SLC26A4: variants seen among roughly 807,000 people sequenced by gnomAD.
SLC26A4 encodes the protein solute carrier family 26 member 4, also known as pendrin.
In SLC26A4, 93 loss-of-function variants were observed where a neutral mutation model predicts 90.4. That is an observed-to-expected ratio of 1.03 (90% CI 0.87 to 1.22). The LOEUF (loss-of-function observed/expected upper bound fraction) is 1.22. Among genes scored for constraint, SLC26A4 ranks in the 50% most tolerant of loss-of-function variants. The pLI, the probability that SLC26A4 is intolerant of heterozygous loss-of-function variation, is 0.00. For missense variants in SLC26A4, 1,127 were observed against 946.2 expected (o/e 1.19, Z -2.51); for synonymous variants, 393 against 354.6 (o/e 1.11, Z -1.22).
chr7:107,661,702 A>T lies in SLC26A4; in HGVS notation c.61A>T (p.Met21Leu). 1 of 1,571,138 alleles carries T rather than the reference A, an allele frequency of 6.4e-7. No individual in the cohort carries two copies. Among genetic ancestry groups the T allele is most frequent in the Non-Finnish European group, 8.6e-7 (1 of 1,162,268 alleles). ...GCTCCCCGAGTACAGCTGCAGCTAC[A>T]TGGTGTCGCGGCCGGTCTACAGCGA... is the stretch of plus-strand genomic sequence containing the variant. The part of the protein sequence containing the change: ...PQLPEYSCSY[M>L]VSRPVYSELA... Residue 21 changes from methionine to leucine, a missense_variant, in exon 2 of 21, where the codon ATG (methionine) becomes TTG (leucine). Coordinates refer to ENST00000644269, the MANE Select transcript of SLC26A4 (RefSeq NM_000441.2). The surrounding 1 kb of genome is among the most constrained non-coding windows in gnomAD (Gnocchi z 5.1).
chr7:107,679,548 C>T (rs1791120500), intron 6 of SLC26A4, among the ~76,000 whole-genome samples: 1 of 151,686 alleles, frequency 6.6e-6, no homozygotes, highest in Admixed American at 6.6e-5. Context: ...ACAGGTAATC[C>T]TGGGCAAGAA....
chr7:107,711,896 T>C (rs1792201084), intron 19 of SLC26A4, among the ~76,000 whole-genome samples: 1 of 152,230 alleles, frequency 6.6e-6, no homozygotes, highest in Non-Finnish European at 1.5e-5. Context: ...ATTTGTGAGT[T>C]GAAAAGTAGC....
rs576526157 is a variant in SLC26A4, at chr7:107,716,460, G to T, written c.*1014G>T. ...AAATCTAAAAATTGAACTACCTATA[G>T]TAGTCTGTGTTTAAAGTGAATTTTT... is the stretch of plus-strand genomic sequence containing the variant. On this transcript the variant is annotated 3_prime_UTR_variant, in exon 21 of 21. Coordinates refer to ENST00000644269, the MANE Select transcript of SLC26A4 (RefSeq NM_000441.2). 4 of 152,146 alleles carry T rather than the reference G, an allele frequency of 2.6e-5. No individual in the cohort carries two copies. The highest frequency in any genetic ancestry group is 9.6e-5 in the African/African-American group (4 of 41,508). 9.4% of individuals were successfully genotyped at this position (152,146 alleles called of 1,614,324 possible). A position where few individuals can be genotyped will look rare whatever the true frequency, so the allele number is the denominator to read the frequency against.
intron 18 of SLC26A4, among the ~76,000 whole-genome samples, chr7:107,709,769 G>T (rs1312965112): frequency 6.6e-6 from 1 of 152,100 alleles, no homozygotes; most frequent in African/African-American, 2.4e-5. Flanking sequence ...GTCACATTTT[G>T]GATAAGAGAA....
rs573919493 is a variant in SLC26A4, at chr7:107,717,487, C to T, written c.*2041C>T. On this transcript the variant is annotated 3_prime_UTR_variant, in exon 21 of 21. Transcript: ENST00000644269. Reference sequence around the variant, plus strand: ...TTTTTTGAAGGAAATGCCAAAGTTACGTTTTACAACAAGGCTAGAGTTTGT... The same window carrying T: ...TTTTTTGAAGGAAATGCCAAAGTTATGTTTTACAACAAGGCTAGAGTTTGT... The T allele has an allele frequency of 4.6e-5, 7 of 151,830 alleles. No homozygotes were observed. Among genetic ancestry groups the T allele is most frequent in the East Asian group, 1.9e-4 (1 of 5,164 alleles). 9.4% of individuals were successfully genotyped at this position (151,830 alleles called of 1,614,324 possible). A position where few individuals can be genotyped will look rare whatever the true frequency, so the allele number is the denominator to read the frequency against.
chr7:107,716,643 C>T lies in SLC26A4; in HGVS notation c.*1197C>T, dbSNP rs1562846625. 1 of 152,094 alleles carries T rather than the reference C, an allele frequency of 6.6e-6. No homozygotes were observed. Among genetic ancestry groups the T allele is most frequent in the South Asian group, 2.1e-4 (1 of 4,830 alleles). 9.4% of individuals were successfully genotyped at this position (152,094 alleles called of 1,614,324 possible). On this transcript the variant is annotated 3_prime_UTR_variant, in exon 21 of 21. Coordinates refer to ENST00000644269, the MANE Select transcript of SLC26A4 (RefSeq NM_000441.2). ...AATTTTCTAGATATTATATACAACA[C>T]AGGCTTTGATCTTGGGGACTTTTCC...
intron 8 of SLC26A4, among the ~76,000 whole-genome samples, chr7:107,683,744 G>A (rs1000603421): frequency 9.2e-5 from 14 of 152,158 alleles, no homozygotes; most frequent in African/African-American, 3.4e-4. Context: ...GCCCGTATAT[G>A]CTCTTTTTTC....
At chr7:107,690,311 G>T in intron 10 of SLC26A4, 74 bp downstream of exon 10, 2 of 904,146 alleles carry the variant, frequency 2.2e-6, no homozygotes, top group Non-Finnish European at 3.7e-6. Flanking sequence ...GGCTCGCACC[G>T]AGCTTAGCAG....
chr7:107,662,094 T>C lies in SLC26A4; in HGVS notation c.164+289T>C. 4 of 507,856 alleles carry C rather than the reference T, an allele frequency of 7.9e-6. No homozygotes were observed. In the East Asian group the frequency reaches 1.4e-4, roughly 18 times the overall value. 31.5% of individuals were successfully genotyped at this position (507,856 alleles called of 1,614,324 possible). On this transcript the variant is annotated intron_variant, in intron 2 of 20. Coordinates refer to ENST00000644269, the MANE Select transcript of SLC26A4 (RefSeq NM_000441.2). Reference sequence around the variant, plus strand: ...TCTCTTTTTCCTCTCTGAAGGAAACTTGGAGTGCCTCTTGGGGTACAGTGG... The same window carrying C: ...TCTCTTTTTCCTCTCTGAAGGAAACCTGGAGTGCCTCTTGGGGTACAGTGG...
chr7:107,682,758 C>T (rs1047061876), intron 6 of SLC26A4, among the ~76,000 whole-genome samples: 1 of 152,012 alleles, frequency 6.6e-6, no homozygotes, highest in African/African-American at 2.4e-5. Flanking sequence ...AGTCTCAATG[C>T]TGTATCACTG....
At chr7:107,676,175 T>G (rs1032426433) in intron 6 of SLC26A4, among the ~76,000 whole-genome samples, 1 of 152,212 alleles carries the variant, frequency 6.6e-6, no homozygotes, top group African/African-American at 2.4e-5. Context: ...ATGCCTCAGT[T>G]TCCTTCTCTG....
chr7:107,705,855 G>T (rs1414432629), intron 18 of SLC26A4, among the ~76,000 whole-genome samples: 1 of 152,184 alleles, frequency 6.6e-6, no homozygotes, highest in East Asian at 1.9e-4. Context: ...TAGTTTTATT[G>T]TCTCTAGTTG....
chr7:107,685,784 G>A (rs1036868878), intron 8 of SLC26A4, among the ~76,000 whole-genome samples: 6 of 152,204 alleles, frequency 3.9e-5, no homozygotes, highest in Non-Finnish European at 7.3e-5. Flanking sequence ...GTCCTTATCT[G>A]CAACTCGTAA....
chr7:107,696,241 T>C (rs1791740064), intron 13 of SLC26A4, among the ~76,000 whole-genome samples: 1 of 152,242 alleles, frequency 6.6e-6, no homozygotes, highest in African/African-American at 2.4e-5. Flanking sequence ...ATTAGTCTCA[T>C]TCTACAGGTG....
chr7:107,669,353 A>G (rs75602554), intron 3 of SLC26A4, among the ~76,000 whole-genome samples: 2,871 of 152,318 alleles, frequency 0.019, 92 homozygotes, highest in African/African-American at 0.066. Flanking sequence ...AGTGGTCCCT[A>G]AATGGGACAC....
intron 10 of SLC26A4, among the ~76,000 whole-genome samples, chr7:107,690,468 A>G (rs752706625): frequency 2.0e-5 from 3 of 152,174 alleles, no homozygotes; most frequent in Non-Finnish European, 4.4e-5. Flanking sequence ...GTCAGTGCTT[A>G]CCTGTCATGT....
intron 17 of SLC26A4, 56 bp from the exon 18 acceptor site, chr7:107,704,275 G>C (rs1791977561): frequency 1.3e-6 from 1 of 761,070 alleles, no homozygotes; most frequent in Admixed American, 1.9e-5. Flanking sequence ...GAATGCTACT[G>C]AATTATGGGC....
At chr7:107,669,633 A>C (rs1005039613) in intron 3 of SLC26A4, among the ~76,000 whole-genome samples, 10 of 152,228 alleles carry the variant, frequency 6.6e-5, no homozygotes, top group African/African-American at 2.2e-4. Context: ...ATTTTTCTAG[A>C]ATACAAACTC....
chr7:107,676,382 A>T (rs776419272), intron 6 of SLC26A4, among the ~76,000 whole-genome samples: 7 of 152,230 alleles, frequency 4.6e-5, no homozygotes, highest in Non-Finnish European at 8.8e-5. Flanking sequence ...TTTTCTAACC[A>T]TAAGAGTCCG....
Sources: gnomAD v4.1 joint callset for allele counts (sites outside exome capture counted in the v4.1 genomes callset) on GRCh38, gnomAD v4.1.1 for gene constraint, Gnocchi (gnomAD v3.1) non-coding constraint, MANE v1.5 for transcripts, NCBI Gene and HGNC (gene_info 2026-07-23, HGNC 2026-07-21) for gene names.